NMT2: variants seen among roughly 807,000 people sequenced by gnomAD.
NMT2 encodes the protein N-myristoyltransferase 2.
In NMT2, 35 loss-of-function variants were observed where a neutral mutation model predicts 65.4. That is an observed-to-expected ratio of 0.54 (90% CI 0.41 to 0.71). NMT2 has a LOEUF of 0.71. Among genes scored for constraint, NMT2 ranks in the 30% least tolerant of loss-of-function variants. NMT2 has a pLI of 0.00. For synonymous variants in NMT2, 226 were observed against 231.8 expected (o/e 0.98, Z 0.23); for missense variants, 489 against 611.3 (o/e 0.80, Z 2.11).
chr10:15,165,826 C>T (rs1003753531), intron 1 of NMT2, among the ~76,000 whole-genome samples: 3 of 146,954 alleles, frequency 2.0e-5, no homozygotes, highest in Admixed American at 6.9e-5. Context: ...TGCAGTGAGC[C>T]GAGATTGCAC....
rs1453700697 is a variant in NMT2, at chr10:15,152,365, CCA to C, written c.111-10810_111-10809del. 2.0e-4 allele frequency among the ~76,000 whole-genome samples: 30 copies of C among 152,286 alleles called. No individual in the cohort carries two copies. In the East Asian group the frequency reaches 5.6e-3, roughly 28 times the overall value. ...TAAATTTTTTAAAAGCAGAGAAATACCACAGAGCTCTGAGAAGTTGTCTACAA... is the reference window on the plus strand; with the variant it reads ...TAAATTTTTTAAAAGCAGAGAAATACCAGAGCTCTGAGAAGTTGTCTACAA... On this transcript the variant is annotated intron_variant, in intron 1 of 11. Transcript: ENST00000378165.
At chr10:15,117,657 C>T (rs770668100) in intron 9 of NMT2, among the ~76,000 whole-genome samples, 1 of 152,224 alleles carries the variant, frequency 6.6e-6, no homozygotes, top group Non-Finnish European at 1.5e-5. Context: ...GGAATCTACA[C>T]ACAAACTCCT....
chr10:15,108,457 T>C lies in NMT2; in HGVS notation c.*738A>G. The C allele has an allele frequency of 1.0e-6, 1 of 966,148 alleles. No individual in the cohort carries two copies. The allele number at this position is 966,148 out of a possible 1,614,324, so 59.8% of individuals were successfully genotyped here. ...ACCTTGGCCTCCCAAAGTGCTGGGA[T>C]TACAGGCGTGAGCCACCACGCCCGG... On this transcript the variant is annotated 3_prime_UTR_variant, in exon 12 of 12. Transcript: ENST00000378165.
chr10:15,167,235 G>A (rs942965688), intron 1 of NMT2, among the ~76,000 whole-genome samples: 1 of 152,068 alleles, frequency 6.6e-6, no homozygotes, highest in Non-Finnish European at 1.5e-5. Context: ...CGCCACTGAA[G>A]TATTCACGGC....
chr10:15,142,730 G>T (rs1432177151), intron 1 of NMT2, among the ~76,000 whole-genome samples: 2 of 152,142 alleles, frequency 1.3e-5, no homozygotes, highest in Non-Finnish European at 2.9e-5. Context: ...TTCATCAATA[G>T]AATCAAATTT....
rs1845618552 is a variant in NMT2, at chr10:15,113,044, T to C, written c.1171-81A>G. The C allele has an allele frequency of 6.4e-6, 9 of 1,408,972 alleles. No homozygotes were observed. In the Admixed American group the frequency reaches 1.5e-4, roughly 24 times the overall value. The allele number at this position is 1,408,972 out of a possible 1,614,324, so 87.3% of individuals were successfully genotyped here. ...ATTTCCACTAACTCTGTTCTCTCCC[T>C]TGCCCCAGAGAACGAAAAGCAGTAA... On this transcript the variant is annotated intron_variant, in intron 9 of 11. Coordinates refer to ENST00000378165, the MANE Select transcript of NMT2 (RefSeq NM_004808.3).
chr10:15,153,775 G>A (rs1460944306), intron 1 of NMT2, among the ~76,000 whole-genome samples: 3 of 151,804 alleles, frequency 2.0e-5, no homozygotes, highest in Non-Finnish European at 4.4e-5. Flanking sequence ...TCAGCCTCCT[G>A]AGTAGCTGGG....
rs1251043317 is a variant in NMT2, at chr10:15,112,704, C to G, written c.1338+92G>C. 3 of 1,216,868 alleles carry G rather than the reference C, an allele frequency of 2.5e-6. No homozygotes were observed. The East Asian group carries it at 7.9e-5, about 32-fold the overall frequency. The allele number at this position is 1,216,868 out of a possible 1,614,324, so 75.4% of individuals were successfully genotyped here. On this transcript the variant is annotated intron_variant, in intron 10 of 11. Coordinates refer to ENST00000378165, the MANE Select transcript of NMT2 (RefSeq NM_004808.3). ...TTTTTAAAGTCTCGCATAAATTCCA[C>G]CTGTGTGGAAGAAAACACAGTAAGA... is the stretch of plus-strand genomic sequence containing the variant.
intron 1 of NMT2, among the ~76,000 whole-genome samples, chr10:15,142,137 A>G (rs1846795731): frequency 6.6e-6 from 1 of 152,260 alleles, no homozygotes; most frequent in African/African-American, 2.4e-5. Flanking sequence ...TCTAGGTTAT[A>G]AAGGAACTTT....
rs140541248 is a variant in NMT2, at chr10:15,136,175, C to T, written c.247-757G>A. 3.5e-3 allele frequency among the ~76,000 whole-genome samples: 523 copies of T among 148,094 alleles called. 4 individuals are homozygous for T. The highest frequency in any genetic ancestry group is 0.012 in the African/African-American group (476 of 39,968). On this transcript the variant is annotated intron_variant, in intron 2 of 11. Transcript: ENST00000378165. ...GGTGGAGGTTGCAGTGAGCTGAGAT[C>T]GCGCCATTGCACTCCAGCCTGGGTG... is the stretch of plus-strand genomic sequence containing the variant.
chr10:15,120,229 C>T (rs144692805), intron 8 of NMT2, among the ~76,000 whole-genome samples: 14 of 152,110 alleles, frequency 9.2e-5, no homozygotes, highest in East Asian at 5.8e-4. Context: ...AGGCTGATGC[C>T]GGTGGATCAT....
intron 3 of NMT2, 107 bp downstream of exon 3, chr10:15,135,167 C>T (rs1469115742): frequency 6.3e-6 from 7 of 1,102,896 alleles, no homozygotes; most frequent in South Asian, 5.1e-5. Flanking sequence ...ATAAATGATA[C>T]ATGTGAAGTT....
chr10:15,147,206 G>A (rs941171153), intron 1 of NMT2, among the ~76,000 whole-genome samples: 2 of 147,526 alleles, frequency 1.4e-5, no homozygotes, highest in Non-Finnish European at 3.0e-5. Context: ...ATTTTATCAG[G>A]TACCACCAGA....
intron 1 of NMT2, among the ~76,000 whole-genome samples, chr10:15,163,771 T>TA (rs934728654): frequency 5.3e-5 from 8 of 152,234 alleles, no homozygotes; most frequent in Non-Finnish European, 8.8e-5. Flanking sequence ...TTCCTTTTTT[T>TA]ACCCCCTAAA....
chr10:15,134,056 TACTGCATTTCCACAA>T (rs1004472110), intron 3 of NMT2, among the ~76,000 whole-genome samples: 3 of 152,190 alleles, frequency 2.0e-5, no homozygotes, highest in African/African-American at 7.2e-5. Context: ...GTGTTCTTTT[TACTGCATTTCCACAA>T]ACTGGGAGAG....
At chr10:15,141,845 G>A (rs1014272192) in intron 1 of NMT2, among the ~76,000 whole-genome samples, 1 of 152,162 alleles carries the variant, frequency 6.6e-6, no homozygotes, top group Non-Finnish European at 1.5e-5. Flanking sequence ...TAGTTTCCAC[G>A]GTTATCACTA....
Position 15,107,315 on chromosome 10 carries a change from A to G in NMT2, c.*1880T>C. On this transcript the variant is annotated 3_prime_UTR_variant, in exon 12 of 12. Transcript: ENST00000378165. ...GGGCTGGATTTAGCCCACAGGCCAT[A>G]GTTTGGTGGCCCCTGCCTGGGATAA... 2.0e-6 allele frequency: 2 copies of G among 978,824 alleles called. No homozygotes were observed. Among genetic ancestry groups the G allele is most frequent in the Non-Finnish European group, 2.4e-6 (2 of 823,782 alleles). 60.6% of individuals were successfully genotyped at this position (978,824 alleles called of 1,614,324 possible).
intron 8 of NMT2, among the ~76,000 whole-genome samples, chr10:15,127,897 CCA>C (rs201548532): frequency 1.1e-4 from 11 of 103,526 alleles, no homozygotes; most frequent in African/African-American, 5.0e-4. Context: ...AAGACTGTCT[CCA>C]AAAAAAAAAA....
At chr10:15,127,579 T>TA (rs1237568183) in intron 8 of NMT2, among the ~76,000 whole-genome samples, 4,564 of 61,874 alleles carry the variant, frequency 0.074, 737 homozygotes, top group African/African-American at 0.43. Context: ...AATAAATAAA[T>TA]AAATAAATAA....
Sources: gnomAD v4.1 joint callset for allele counts (sites outside exome capture counted in the v4.1 genomes callset) on GRCh38, gnomAD v4.1.1 for gene constraint, MANE v1.5 for transcripts, NCBI Gene and HGNC (gene_info 2026-07-23, HGNC 2026-07-21) for gene names.